Variants in SNF8 observed in about 807,000 individuals in gnomAD.
The protein encoded by SNF8 is vacuolar-sorting protein SNF8.
A neutral mutation model predicts 36.8 loss-of-function variants in SNF8; 19 were observed. That is an observed-to-expected ratio of 0.52 (90% CI 0.36 to 0.76). SNF8 has a LOEUF of 0.76. SNF8 is among the 30% of genes least tolerant of loss of function. The pLI, the probability that SNF8 is intolerant of heterozygous loss-of-function variation, is 0.00. For synonymous variants in SNF8, 127 were observed against 127.4 expected, an observed-to-expected ratio of 1.00 and a Z score of 0.02; for missense variants, 268 against 322.9, an observed-to-expected ratio of 0.83 and a Z score of 1.30.
In SNF8 at chr17:48,930,421, A is replaced by G; in HGVS notation, c.*54T>C. On this transcript the variant is annotated 3_prime_UTR_variant, in exon 8 of 8. Transcript: ENST00000502492. ...TGTATAAACAAAATTGCCCAGGTTT[A>G]TTTGCCACCTCCGCCTCCTCCCTGC... The G allele has an allele frequency of 4.9e-6, 7 of 1,440,460 alleles. No homozygotes were observed. The highest frequency in any genetic ancestry group is 6.4e-6 in the Non-Finnish European group (7 of 1,086,852). The allele number at this position is 1,440,460 out of a possible 1,614,324, so 89.2% of individuals were successfully genotyped here. A position where few individuals can be genotyped will look rare whatever the true frequency, so the allele number is the denominator to read the frequency against.
In SNF8 at chr17:48,941,132, C is replaced by G. The variant is rs142890031; in HGVS notation, c.106-70G>C. 2.6e-4 allele frequency: 411 copies of G among 1,567,704 alleles called. 1 individual carries two copies. The African/African-American group carries it at 4.9e-3, about 19-fold the overall frequency. ...ATAATCAGATGCCAAAAACAGGTCC[C>G]CAGCCCTGTGGCAGGGCAAAGGCTG... is the stretch of plus-strand genomic sequence containing the variant. On this transcript the variant is annotated intron_variant, in intron 2 of 7. Transcript: ENST00000502492.
At chr17:48,939,694 A>G (rs1021674287) in intron 3 of SNF8, among the ~76,000 whole-genome samples, 1 of 151,738 alleles carries the variant, frequency 6.6e-6, no homozygotes, top group Admixed American at 6.6e-5. Context: ...TCCTGACCTT[A>G]TGATCTGCCC....
intron 3 of SNF8, among the ~76,000 whole-genome samples, chr17:48,939,240 G>A (rs1258883708): frequency 2.7e-5 from 4 of 150,350 alleles, no homozygotes; most frequent in African/African-American, 9.8e-5. Flanking sequence ...ACTCCAGCAT[G>A]GGCAACAGAG....
At chr17:48,933,160 C>T (rs1435080484) in intron 6 of SNF8, 45 bp downstream of exon 6, 1 of 1,603,458 alleles carries the variant, frequency 6.2e-7, no homozygotes, top group Non-Finnish European at 8.5e-7. Flanking sequence ...ACTTGCCTCA[C>T]AGACTGTCCC....
chr17:48,931,592 C>A lies in SNF8; in HGVS notation c.639+51G>T, dbSNP rs375480475. The A allele has an allele frequency of 3.4e-6, 5 of 1,477,042 alleles. No homozygotes were observed. In the Admixed American group the frequency reaches 5.6e-5, roughly 16 times the overall value. The allele number at this position is 1,477,042 out of a possible 1,614,324, so 91.5% of individuals were successfully genotyped here. ...TTCCTGCATTTGTGGAACCCACATCCTCCCAACTGGGGCCTGCCTGTCTTT... is the reference window on the plus strand; with the variant it reads ...TTCCTGCATTTGTGGAACCCACATCATCCCAACTGGGGCCTGCCTGTCTTT... On this transcript the variant is annotated intron_variant, in intron 7 of 7. Coordinates refer to ENST00000502492, the MANE Select transcript of SNF8 (RefSeq NM_007241.4).
intron 2 of SNF8, among the ~76,000 whole-genome samples, chr17:48,942,847 CTTTTTTTTTTTTTTT>C (rs71144543): frequency 8.1e-5 from 7 of 86,172 alleles, no homozygotes; most frequent in Admixed American, 1.4e-4. Context: ...CGCACCCGGC[CTTTTTTTTTTTTTTT>C]TTTTTTTTTT....
At chr17:48,936,145 C>T in intron 5 of SNF8, 25 bp downstream of exon 5, 1 of 1,581,646 alleles carries the variant, frequency 6.3e-7, no homozygotes, top group South Asian at 1.1e-5. Context: ...TTCTGTACTC[C>T]AAGGGATTGG....
At chr17:48,940,245 T>G (rs1442716828) in intron 3 of SNF8, among the ~76,000 whole-genome samples, 1 of 151,848 alleles carries the variant, frequency 6.6e-6, no homozygotes, top group Admixed American at 6.6e-5. Flanking sequence ...CTCGCCATGT[T>G]GCCCAGGCTG....
Position 48,933,199 on chromosome 17 carries a change from C to T in SNF8, c.564+6G>A. 6.2e-7 allele frequency: 1 copy of T among 1,613,088 alleles called. No individual in the cohort carries two copies. ...CACACACACACACTCGAAGGTGCAC[C>T]AGTACCTCTGCCAGCTGCAGCACCA... is the stretch of plus-strand genomic sequence containing the variant. On this transcript the variant is annotated splice_donor_region_variant and intron_variant, in intron 6 of 7. Coordinates refer to ENST00000502492, the MANE Select transcript of SNF8 (RefSeq NM_007241.4).
chr17:48,943,331 C>A (rs2041058812), intron 2 of SNF8, among the ~76,000 whole-genome samples: 1 of 152,186 alleles, frequency 6.6e-6, no homozygotes, highest in African/African-American at 2.4e-5. Context: ...AAAATTAGGG[C>A]CCGGCACAGT....
At chr17:48,930,900 T>C (rs2040848776) in intron 7 of SNF8, among the ~76,000 whole-genome samples, 1 of 152,218 alleles carries the variant, frequency 6.6e-6, no homozygotes, top group South Asian at 2.1e-4. Flanking sequence ...ATATTTGCTG[T>C]GTGGCCTTCA....
chr17:48,936,660 T>A, intron 4 of SNF8: 1 of 334,770 alleles, frequency 3.0e-6, no homozygotes, highest in Non-Finnish European at 5.5e-6. Flanking sequence ...ACAGACTCAG[T>A]TGGCATTCCC....
At position 48,933,364 on chromosome 17, in the gene SNF8, T is replaced by TA; in HGVS notation, c.423-19_423-18insT. On this transcript the variant is annotated intron_variant, in intron 5 of 7. Coordinates refer to ENST00000502492, the MANE Select transcript of SNF8 (RefSeq NM_007241.4). ...GGTCATCTCTGAGGTAAGGAAGAGT[T>TA]GCTTAACGACCCTTGGCAGAATCAG... The TA allele has an allele frequency of 6.2e-7, 1 of 1,614,022 alleles. No homozygotes were observed. The highest frequency in any genetic ancestry group is 8.5e-7 in the Non-Finnish European group (1 of 1,179,910).
chr17:48,944,280 C>A (rs1274241117), intron 1 of SNF8: 2 of 445,134 alleles, frequency 4.5e-6, no homozygotes, highest in East Asian at 4.4e-5. Flanking sequence ...CCAACCTGGG[C>A]GACAGAGCAA....
chr17:48,943,559 G>C (rs1342055532), intron 2 of SNF8, among the ~76,000 whole-genome samples: 1 of 152,120 alleles, frequency 6.6e-6, no homozygotes, highest in South Asian at 2.1e-4. Flanking sequence ...AGTGAGCCGA[G>C]ATCGTGCCAC....
chr17:48,943,556 C>T (rs1270393799), intron 2 of SNF8, among the ~76,000 whole-genome samples: 7 of 151,970 alleles, frequency 4.6e-5, no homozygotes, highest in South Asian at 4.1e-4. Flanking sequence ...TGCAGTGAGC[C>T]GAGATCGTGC....
rs80032154 is a variant in SNF8, at chr17:48,937,630, C to A, written c.245-506G>T. 1.9e-3 allele frequency among the ~76,000 whole-genome samples: 278 copies of A among 143,202 alleles called. 5 individuals are homozygous for A. The highest frequency in any genetic ancestry group is 0.011 in the Middle Eastern group (3 of 270). The allele number at this position is 143,202 out of a possible 152,430, so 93.9% of individuals were successfully genotyped here. ...GGGCAATAAGAGCACAACTCTCTCT[C>A]AAAAAAAAAAAATACAGCCGGGGAC... On this transcript the variant is annotated intron_variant, in intron 3 of 7. Transcript: ENST00000502492.
intron 6 of SNF8, 126 bp from the exon 7 acceptor site, chr17:48,931,843 G>A: frequency 4.3e-6 from 3 of 692,724 alleles, no homozygotes; most frequent in East Asian, 2.8e-5. Context: ...AGAGAACACA[G>A]AAAATGTTTA....
chr17:48,936,234 T>C lies in SNF8; in HGVS notation c.358A>G (p.Thr120Ala), dbSNP rs753668880. The C allele has an allele frequency of 1.2e-6, 2 of 1,613,610 alleles. No individual in the cohort carries two copies. The highest frequency in any genetic ancestry group is 1.7e-6 in the Non-Finnish European group (2 of 1,179,542). The stretch of plus-strand genomic sequence containing the variant: ...ACCTGTTGATGTAGTTCCTCCAAAG[T>C]TATCAGACCTGTTTGGAGACAGGGA... ...ALKHRNGGLI[T>A]LEELHQQVLK... Residue 120 changes from threonine to alanine, a missense_variant, in exon 5 of 8, where the codon ACT becomes GCT. Thr to Ala is a moderately conservative substitution (Grantham distance 58). Coordinates refer to ENST00000502492, the MANE Select transcript of SNF8 (RefSeq NM_007241.4).
Sources: gnomAD v4.1 joint callset for allele counts (sites outside exome capture counted in the v4.1 genomes callset) on GRCh38, gnomAD v4.1.1 for gene constraint, MANE v1.5 for transcripts, NCBI Gene and HGNC (gene_info 2026-07-23, HGNC 2026-07-21) for gene names.